Variants in MAD1L1 observed in about 807,000 individuals in gnomAD.
The protein encoded by MAD1L1 is mitotic spindle assembly checkpoint protein MAD1.
MAD1L1 carries 95 observed loss-of-function variants against 96.9 expected under a neutral mutation model. The observed-to-expected ratio is 0.98, with a 90% CI of 0.83 to 1.16. MAD1L1 has a LOEUF of 1.16. Ranked by LOEUF, MAD1L1 falls within the 50% of genes most tolerant of loss-of-function variation. The probability of loss-of-function intolerance (pLI) is 0.00; values close to 1 mark genes in which losing one functional copy is unlikely to be tolerated. For synonymous variants in MAD1L1, 473 were observed against 396.6 expected (o/e 1.19, Z -2.29); for missense variants, 1,007 against 954.4 (o/e 1.06, Z -0.73).
At chr7:2,152,458 C>G (rs1639895) in intron 10 of MAD1L1, among the ~76,000 whole-genome samples, 4 of 152,082 alleles carry the variant, frequency 2.6e-5, no homozygotes, top group Non-Finnish European at 5.9e-5. Flanking sequence ...CCAAGCCTCA[C>G]GAGCCCTGTC....
At chr7:1,990,191 A>T (rs1367305493) in intron 14 of MAD1L1, among the ~76,000 whole-genome samples, 1 of 152,236 alleles carries the variant, frequency 6.6e-6, no homozygotes, top group Non-Finnish European at 1.5e-5. Context: ...GGTGAGGCTG[A>T]GGCCCAGAGC....
At chr7:1,887,429 G>C (rs368450431) in intron 18 of MAD1L1, among the ~76,000 whole-genome samples, 1 of 150,432 alleles carries the variant, frequency 6.6e-6, no homozygotes, top group African/African-American at 2.4e-5. Flanking sequence ...GTGTGCATGC[G>C]TGCATGTGGC....
chr7:2,065,901 T>G (rs918785028), intron 12 of MAD1L1, among the ~76,000 whole-genome samples: 4 of 152,168 alleles, frequency 2.6e-5, no homozygotes, highest in African/African-American at 9.7e-5. Flanking sequence ...GTATCACTGA[T>G]ATTCCAGAAA....
At chr7:1,825,316 C>T (rs1399976776) in intron 18 of MAD1L1, among the ~76,000 whole-genome samples, 19 of 152,178 alleles carry the variant, frequency 1.2e-4, no homozygotes, top group Admixed American at 9.2e-4. Flanking sequence ...CTGCTGAGGC[C>T]GGTGCTGCCC....
At chr7:2,045,027 G>A (rs1783859100) in intron 12 of MAD1L1, among the ~76,000 whole-genome samples, 1 of 152,226 alleles carries the variant, frequency 6.6e-6, no homozygotes. Context: ...CGGCCGCAGA[G>A]GCACGATCTG....
At chr7:1,969,703 T>C (rs1780322591) in intron 15 of MAD1L1, among the ~76,000 whole-genome samples, 1 of 152,186 alleles carries the variant, frequency 6.6e-6, no homozygotes, top group Admixed American at 6.5e-5. Context: ...AAAAGATCAG[T>C]TGTATTTCCC....
At chr7:2,095,843 C>T (rs1358027449) in intron 11 of MAD1L1, among the ~76,000 whole-genome samples, 2 of 152,330 alleles carry the variant, frequency 1.3e-5, no homozygotes, top group Non-Finnish European at 2.9e-5. Flanking sequence ...GGGCAGAGTG[C>T]ATCCACGCAC....
intron 18 of MAD1L1, among the ~76,000 whole-genome samples, chr7:1,888,280 ATG>A (rs1256868062): frequency 7.4e-5 from 8 of 108,014 alleles, no homozygotes; most frequent in Admixed American, 3.1e-4. Flanking sequence ...CTGCCTGTGC[ATG>A]TGTGTGCATG....
chr7:2,086,183 C>T (rs1364277403), intron 11 of MAD1L1, among the ~76,000 whole-genome samples: 19 of 152,252 alleles, frequency 1.2e-4, no homozygotes, highest in Admixed American at 1.2e-3. Flanking sequence ...TCCCTCCCCA[C>T]AGGCCCAGTG....
At chr7:2,053,223 G>A (rs1245934871) in intron 12 of MAD1L1, among the ~76,000 whole-genome samples, 1 of 152,212 alleles carries the variant, frequency 6.6e-6, no homozygotes, top group Non-Finnish European at 1.5e-5. Context: ...CTGGTAGCAG[G>A]CCCTTCCTGA....
rs771444268 is a variant in MAD1L1 at position 2,002,112 on chromosome 7, AC to A, written c.1368del (p.Ser457ArgfsTer21). 1.2e-6 allele frequency: 2 copies of A among 1,613,102 alleles called. No individual in the cohort carries two copies. The highest frequency in any genetic ancestry group is 3.3e-5 in the Admixed American group (2 of 60,024). ...HSHSAEMEAQ[L>X]SQALEELGGQ... ...CCTCCCAGCTCCTCCAGGGCCTGCG[AC>A]AGCTGAGCCTGCAAGACAAGACAGG... On this transcript the variant is annotated frameshift_variant, in exon 14 of 19. Coordinates refer to ENST00000265854, the MANE Select transcript of MAD1L1 (RefSeq NM_001013836.2). LOFTEE classifies it high-confidence loss of function.
intron 14 of MAD1L1, among the ~76,000 whole-genome samples, chr7:1,989,517 C>T (rs376705304): frequency 9.8e-5 from 15 of 152,348 alleles, no homozygotes; most frequent in African/African-American, 3.6e-4. Flanking sequence ...AGCCGCCTCA[C>T]CCTGGAAGAC....
chr7:2,104,902 C>T (rs55807033), intron 11 of MAD1L1, among the ~76,000 whole-genome samples: 2 of 152,180 alleles, frequency 1.3e-5, no homozygotes, highest in African/African-American at 2.4e-5. Flanking sequence ...TAGGTCCCCC[C>T]GCAAGCCCTG....
intron 16 of MAD1L1, among the ~76,000 whole-genome samples, chr7:1,938,746 GCACACACACA>G (rs71023370): frequency 2.0e-5 from 2 of 99,666 alleles, no homozygotes; most frequent in Non-Finnish European, 4.3e-5. Context: ...AGGCGCGCAC[GCACACACACA>G]CACACACACA....
At position 2,225,412 on chromosome 7, in the gene MAD1L1, C is replaced by T. The variant is rs781540281; in HGVS notation, c.289G>A (p.Glu97Lys). The T allele has an allele frequency of 8.1e-6, 13 of 1,613,868 alleles. No individual in the cohort carries two copies. The highest frequency in any genetic ancestry group is 1.7e-5 in the Admixed American group (1 of 60,006). ...ACCCTCGCCCCGCCTGAACCCACCT[C>T]GTAGTTCCTGGCACTGGTGCTGGCT... ...RAASTSARNY[E>K]REVDRNQELL... Residue 97 changes from glutamate (E) to lysine (K), a missense_variant and splice_region_variant, in exon 4 of 19, where the codon GAG becomes AAG. Transcript: ENST00000265854.
At chr7:1,867,646 T>TGC (rs1313889169) in intron 18 of MAD1L1, among the ~76,000 whole-genome samples, 1 of 152,204 alleles carries the variant, frequency 6.6e-6, no homozygotes, top group African/African-American at 2.4e-5. Context: ...TCCAGGAACC[T>TGC]GCGCCTGAGG....
intron 17 of MAD1L1, among the ~76,000 whole-genome samples, chr7:1,900,889 T>G (rs1447961860): frequency 2.0e-5 from 3 of 152,124 alleles, no homozygotes. Context: ...CATAGCAGGT[T>G]GGTATGAGGT....
intron 10 of MAD1L1, among the ~76,000 whole-genome samples, chr7:2,179,349 A>T (rs964551631): frequency 1.3e-5 from 2 of 151,526 alleles, no homozygotes; most frequent in Non-Finnish European, 2.9e-5. Flanking sequence ...CCAACATGGT[A>T]AAACCCCGTC....
At chr7:2,185,458 A>G (rs1001686902) in intron 10 of MAD1L1, among the ~76,000 whole-genome samples, 5 of 152,170 alleles carry the variant, frequency 3.3e-5, no homozygotes, top group African/African-American at 1.2e-4. Context: ...TACTCACTCA[A>G]TTATATACAT....
Sources: allele counts gnomAD v4.1 joint callset (sites outside exome capture counted in the v4.1 genomes callset), GRCh38; gene constraint gnomAD v4.1.1; transcripts MANE v1.5; gene names NCBI Gene and HGNC (gene_info 2026-07-23, HGNC 2026-07-21).